MCC: variants seen among roughly 807,000 people sequenced by gnomAD.
MCC encodes the protein MCC regulator of Wnt signaling pathway.
In MCC, 90 loss-of-function variants were observed where a neutral mutation model predicts 116.2. The ratio of observed to expected loss-of-function variants is 0.77; its 90% CI spans 0.65 to 0.92. The LOEUF (loss-of-function observed/expected upper bound fraction) is 0.92, where lower values mean the gene tolerates loss of function less well. Among genes scored for constraint, MCC ranks in the 40% least tolerant of loss-of-function variants. The pLI is 0.00. For missense variants in MCC, 1,516 were observed against 1,312.2 expected (o/e 1.16, Z -2.40); for synonymous variants, 578 against 510.5 (o/e 1.13, Z -1.78).
At chr5:113,195,227 TCAA>T (rs1237593333) in intron 3 of MCC, among the ~76,000 whole-genome samples, 1 of 152,232 alleles carries the variant, frequency 6.6e-6, no homozygotes, top group Non-Finnish European at 1.5e-5. Flanking sequence ...AGCAGCATTC[TCAA>T]CAGTGTGTGC....
At chr5:113,220,307 C>T (rs182278901) in intron 3 of MCC, among the ~76,000 whole-genome samples, 23 of 152,022 alleles carry the variant, frequency 1.5e-4, no homozygotes, top group Admixed American at 3.9e-4. Context: ...GATCCACCCA[C>T]CTCGGCCTCC....
intron 3 of MCC, among the ~76,000 whole-genome samples, chr5:113,182,586 C>T (rs917628983): frequency 1.3e-5 from 2 of 151,960 alleles, no homozygotes; most frequent in Non-Finnish European, 2.9e-5. Flanking sequence ...CAGAGCCATC[C>T]TCTATCTCAA....
intron 1 of MCC, among the ~76,000 whole-genome samples, chr5:113,415,025 A>G (rs997884785): frequency 6.6e-6 from 1 of 152,158 alleles, no homozygotes; most frequent in Non-Finnish European, 1.5e-5. Flanking sequence ...TTCACTTATG[A>G]AGCTTAGTTT....
intron 1 of MCC, among the ~76,000 whole-genome samples, chr5:113,459,133 A>ATATG (rs1554085317): frequency 1.5e-4 from 10 of 68,360 alleles, no homozygotes; most frequent in South Asian, 7.8e-4. Context: ...GAGTAAGGAT[A>ATATG]TGTGTGTGTG....
chr5:113,099,474 T>C (rs28368487), intron 8 of MCC, among the ~76,000 whole-genome samples: 3,118 of 152,334 alleles, frequency 0.02, 97 homozygotes, highest in African/African-American at 0.07. Flanking sequence ...TATATTTTAC[T>C]CCAAAGAACT....
At chr5:113,167,366 C>G (rs564837182) in intron 3 of MCC, among the ~76,000 whole-genome samples, 1 of 152,186 alleles carries the variant, frequency 6.6e-6, no homozygotes, top group Non-Finnish European at 1.5e-5. Context: ...GTGCTTCAGC[C>G]TGGGAGCTAT....
At chr5:113,110,924 A>G (rs979732456) in intron 6 of MCC, among the ~76,000 whole-genome samples, 1 of 152,212 alleles carries the variant, frequency 6.6e-6, no homozygotes, top group African/African-American at 2.4e-5. Context: ...AACCACAGCC[A>G]TGTGCAGAGG....
At chr5:113,041,890 G>A (rs4389681) in intron 17 of MCC, among the ~76,000 whole-genome samples, 140,343 of 152,162 alleles carry the variant, frequency 0.92, 65,308 homozygotes, top group East Asian at 1. Context: ...CAGCTAACTT[G>A]GGAGGCTGAG....
chr5:113,098,339 C>G (rs1436291108), intron 8 of MCC, among the ~76,000 whole-genome samples: 2 of 152,234 alleles, frequency 1.3e-5, no homozygotes, highest in East Asian at 1.9e-4. Flanking sequence ...TTGCAATGAT[C>G]TGTTTACTTG....
chr5:113,175,386 A>C (rs898952499), intron 3 of MCC, among the ~76,000 whole-genome samples: 1 of 152,166 alleles, frequency 6.6e-6, no homozygotes, highest in Non-Finnish European at 1.5e-5. Context: ...GCTTATCTTA[A>C]GACAGAACAG....
At chr5:113,480,894 C>G (rs1208966055) in intron 1 of MCC, among the ~76,000 whole-genome samples, 1 of 152,164 alleles carries the variant, frequency 6.6e-6, no homozygotes, top group Non-Finnish European at 1.5e-5. Context: ...CCCTCCTCAG[C>G]CTCCTGAGTA....
At chr5:113,199,101 G>C (rs1479306680) in intron 3 of MCC, among the ~76,000 whole-genome samples, 1 of 152,104 alleles carries the variant, frequency 6.6e-6, no homozygotes, top group Non-Finnish European at 1.5e-5. Context: ...CTGGGAGGTG[G>C]AGGTTGCAGT....
chr5:113,364,263 AG>A (rs2150386496), intron 2 of MCC, among the ~76,000 whole-genome samples: 3 of 77,096 alleles, frequency 3.9e-5, no homozygotes, highest in African/African-American at 6.2e-5. Flanking sequence ...AAAAAAAACC[AG>A]AAAAAAAAAA....
At chr5:113,163,107 G>A (rs568224672) in intron 3 of MCC, among the ~76,000 whole-genome samples, 29 of 152,092 alleles carry the variant, frequency 1.9e-4, no homozygotes, top group Non-Finnish European at 3.2e-4. Context: ...CCTCATGCCC[G>A]CTTTGCACCC....
At chr5:113,367,635 G>A (rs1007895589) in intron 2 of MCC, among the ~76,000 whole-genome samples, 1 of 94,876 alleles carries the variant, frequency 1.1e-5, no homozygotes, top group East Asian at 3.6e-4. Flanking sequence ...AGGGTGGGGG[G>A]GGGGAAGAGA....
At chr5:113,432,158 A>G (rs1183420958) in intron 1 of MCC, among the ~76,000 whole-genome samples, 1 of 151,828 alleles carries the variant, frequency 6.6e-6, no homozygotes, top group Admixed American at 6.6e-5. Flanking sequence ...ACAAACAAAC[A>G]AAAACAAAAA....
chr5:113,460,233 C>T (rs769776016), intron 1 of MCC, among the ~76,000 whole-genome samples: 1 of 152,080 alleles, frequency 6.6e-6, no homozygotes, highest in Non-Finnish European at 1.5e-5. Flanking sequence ...ATCCTCTTTC[C>T]ATGGGAAATT....
Position 113,026,177 on chromosome 5 carries a change from A to G in MCC, c.*1125T>C, listed in dbSNP as rs771375261. Reference sequence around the variant, plus strand: ...ACCTTTTAAGCACCATATGCTAACCATCACCATGTATCTGGGGGCAAAAAA... The same window carrying G: ...ACCTTTTAAGCACCATATGCTAACCGTCACCATGTATCTGGGGGCAAAAAA... On this transcript the variant is annotated 3_prime_UTR_variant, in exon 19 of 19. Transcript: ENST00000408903. 4 of 152,288 alleles carry G rather than the reference A, an allele frequency of 2.6e-5. No homozygotes were observed. The highest frequency in any genetic ancestry group is 5.9e-5 in the Non-Finnish European group (4 of 68,064). 9.4% of individuals were successfully genotyped at this position (152,288 alleles called of 1,614,324 possible).
chr5:113,260,299 T>A (rs1765173171), intron 3 of MCC, among the ~76,000 whole-genome samples: 28 of 152,200 alleles, frequency 1.8e-4, no homozygotes, highest in Admixed American at 1.8e-3. Context: ...AGATACTTTT[T>A]ATGTATTTTT....
Sources: allele counts gnomAD v4.1 joint callset (sites outside exome capture counted in the v4.1 genomes callset), GRCh38; gene constraint gnomAD v4.1.1; transcripts MANE v1.5; gene names NCBI Gene and HGNC (gene_info 2026-07-23, HGNC 2026-07-21).